The following MAPKAP1 variants were observed in gnomAD, a reference collection of about 807,000 sequenced individuals.
MAPKAP1 encodes MAPK associated protein 1.
Under a neutral mutation model 65.7 loss-of-function variants are expected in MAPKAP1, and 20 were observed. The observed-to-expected ratio is 0.30, with a 90% CI of 0.21 to 0.44. The LOEUF (loss-of-function observed/expected upper bound fraction) is 0.44, where lower values mean the gene tolerates loss of function less well. MAPKAP1 is among the 20% of genes least tolerant of loss of function. MAPKAP1 has a pLI of 1.00. For missense variants in MAPKAP1, 423 were observed against 648.0 expected (o/e 0.65, Z 3.77); for synonymous variants, 222 against 244.3 (o/e 0.91, Z 0.85).
chr9:125,550,747 A>C (rs1830559969), intron 6 of MAPKAP1, among the ~76,000 whole-genome samples: 1 of 152,264 alleles, frequency 6.6e-6, no homozygotes, highest in Admixed American at 6.5e-5. Context: ...AAAATTAAAC[A>C]GGCTGCATAT....
chr9:125,538,703 C>T (rs935152048), intron 7 of MAPKAP1, among the ~76,000 whole-genome samples: 15 of 152,072 alleles, frequency 9.9e-5, no homozygotes, highest in African/African-American at 2.9e-4. Context: ...TCAATTTCTC[C>T]GAGAGGGGCT....
intron 6 of MAPKAP1, among the ~76,000 whole-genome samples, chr9:125,548,629 A>G (rs1227188640): frequency 6.6e-6 from 1 of 152,224 alleles, no homozygotes; most frequent in Non-Finnish European, 1.5e-5. Flanking sequence ...AAATACTTCT[A>G]AAGTACTTAC....
At chr9:125,592,390 T>C (rs547683485) in intron 4 of MAPKAP1, among the ~76,000 whole-genome samples, 13 of 152,340 alleles carry the variant, frequency 8.5e-5, no homozygotes, top group African/African-American at 2.9e-4. Flanking sequence ...CACGGGATTA[T>C]CAGTGATTTT....
intron 4 of MAPKAP1, among the ~76,000 whole-genome samples, chr9:125,602,359 C>G (rs758164231): frequency 8.5e-5 from 13 of 152,172 alleles, no homozygotes; most frequent in Admixed American, 3.9e-4. Flanking sequence ...TAACTATCAA[C>G]AAAATTTACA....
chr9:125,602,359 C>T (rs758164231), intron 4 of MAPKAP1, among the ~76,000 whole-genome samples: 2 of 152,172 alleles, frequency 1.3e-5, no homozygotes, highest in African/African-American at 4.8e-5. Context: ...TAACTATCAA[C>T]AAAATTTACA....
intron 1 of MAPKAP1, among the ~76,000 whole-genome samples, chr9:125,692,101 C>T (rs1056290644): frequency 1.3e-5 from 2 of 152,184 alleles, no homozygotes; most frequent in Non-Finnish European, 2.9e-5. Context: ...GAAAAACAGC[C>T]TGGCAGTTTC....
At chr9:125,693,237 A>AC (rs1357945071) in intron 1 of MAPKAP1, among the ~76,000 whole-genome samples, 1 of 151,804 alleles carries the variant, frequency 6.6e-6, no homozygotes, top group Non-Finnish European at 1.5e-5. Flanking sequence ...ACATGGTGAA[A>AC]CCCCGTCTCT....
intron 1 of MAPKAP1, among the ~76,000 whole-genome samples, chr9:125,690,963 A>G (rs964377558): frequency 1.3e-5 from 2 of 152,158 alleles, no homozygotes; most frequent in East Asian, 3.8e-4. Flanking sequence ...AATATTTAAG[A>G]GATAAAAACT....
At chr9:125,574,182 T>C (rs1200082670) in intron 5 of MAPKAP1, among the ~76,000 whole-genome samples, 1 of 152,238 alleles carries the variant, frequency 6.6e-6, no homozygotes, top group East Asian at 1.9e-4. Flanking sequence ...ATCACATTTC[T>C]CTTGTTCTCC....
intron 10 of MAPKAP1, among the ~76,000 whole-genome samples, chr9:125,467,558 A>G (rs939083866): frequency 6.6e-6 from 1 of 152,150 alleles, no homozygotes. Context: ...CCGCCTTGGG[A>G]AATCCCCAGC....
At chr9:125,665,942 TGAGGA>T (rs1486684002) in intron 3 of MAPKAP1, among the ~76,000 whole-genome samples, 3 of 152,356 alleles carry the variant, frequency 2.0e-5, no homozygotes, top group Middle Eastern at 3.4e-3. Flanking sequence ...TCGAACTTCT[TGAGGA>T]GAGGATTCAT....
intron 7 of MAPKAP1, chr9:125,521,407 A>T: frequency 2.1e-6 from 2 of 965,102 alleles, no homozygotes; most frequent in Non-Finnish European, 2.5e-6. Flanking sequence ...AACTTGAGTC[A>T]CTGTGACAAT....
intron 1 of MAPKAP1, among the ~76,000 whole-genome samples, chr9:125,701,230 A>G (rs1050723578): frequency 6.6e-6 from 1 of 152,218 alleles, no homozygotes; most frequent in Non-Finnish European, 1.5e-5. Flanking sequence ...CCTTAAAATG[A>G]GTCCGCAGGG....
intron 10 of MAPKAP1, among the ~76,000 whole-genome samples, chr9:125,461,296 T>C (rs1477492145): frequency 6.6e-6 from 1 of 152,218 alleles, no homozygotes; most frequent in Non-Finnish European, 1.5e-5. Flanking sequence ...TCTGGTTGCC[T>C]AAACCCATCT....
chr9:125,698,283 A>G (rs868573247), intron 1 of MAPKAP1, among the ~76,000 whole-genome samples: 24 of 25,928 alleles, frequency 9.3e-4, no homozygotes, highest in African/African-American at 6.3e-3. Context: ...TACATAATAT[A>G]TATAAATATA....
intron 5 of MAPKAP1, among the ~76,000 whole-genome samples, chr9:125,577,672 GAGGGAGGTGGGGGGGT>G: frequency 3.7e-5 from 1 of 26,864 alleles, no homozygotes; most frequent in Non-Finnish European, 7.8e-5. Context: ...GGGGGTCCGG[GAGGGAGGTGGGGGGGT>G]CAGCCCCCCA....
intron 4 of MAPKAP1, among the ~76,000 whole-genome samples, chr9:125,599,486 T>A (rs1411421491): frequency 6.6e-6 from 1 of 152,152 alleles, no homozygotes; most frequent in Admixed American, 6.5e-5. Context: ...AACAAAAAAC[T>A]TGGTTACTAA....
At chr9:125,533,838 T>C (rs1830001480) in intron 7 of MAPKAP1, among the ~76,000 whole-genome samples, 1 of 152,064 alleles carries the variant, frequency 6.6e-6, no homozygotes, top group South Asian at 2.1e-4. Context: ...CTAGCACAAA[T>C]ATGCAATCTA....
chr9:125,458,533 G>A (rs1456413963), intron 10 of MAPKAP1, among the ~76,000 whole-genome samples: 3 of 152,046 alleles, frequency 2.0e-5, no homozygotes, highest in African/African-American at 7.2e-5. Flanking sequence ...AGGGTTGGGG[G>A]CAAGGTCACA....
Sources: allele counts gnomAD v4.1 joint callset (sites outside exome capture counted in the v4.1 genomes callset), GRCh38; gene constraint gnomAD v4.1.1; transcripts MANE v1.5; gene names NCBI Gene and HGNC (gene_info 2026-07-23, HGNC 2026-07-21).